Variants in KIF26B observed in about 807,000 individuals in gnomAD.
The protein encoded by KIF26B is kinesin-like protein KIF26B.
A neutral mutation model predicts 151.2 loss-of-function variants in KIF26B; 63 were observed. That is an observed-to-expected ratio of 0.42 (90% CI 0.34 to 0.51). The LOEUF (loss-of-function observed/expected upper bound fraction) is 0.51. KIF26B is among the 20% of genes least tolerant of loss of function. The pLI is 0.07. For missense variants in KIF26B, 2,813 were observed against 2,913.6 expected (o/e 0.97, Z 0.79); for synonymous variants, 1,357 against 1,262.1 (o/e 1.08, Z -1.59).
chr1:245,670,151 T>C, intron 10 of KIF26B, among the ~76,000 whole-genome samples: 1 of 151,482 alleles, frequency 6.6e-6, no homozygotes, highest in Middle Eastern at 3.4e-3. Flanking sequence ...AATATAAACA[T>C]TCAGTAACAT....
intron 9 of KIF26B, among the ~76,000 whole-genome samples, chr1:245,628,599 G>A (rs943493466): frequency 1.3e-5 from 2 of 152,190 alleles, no homozygotes; most frequent in South Asian, 2.1e-4. Flanking sequence ...TTGATGGAAC[G>A]TTTCTCAAAA....
intron 4 of KIF26B, among the ~76,000 whole-genome samples, chr1:245,480,342 A>C (rs907388932): frequency 6.6e-6 from 1 of 151,682 alleles, no homozygotes; most frequent in African/African-American, 2.4e-5. Context: ...TACCTGGGCC[A>C]GCCTGTTGGC....
At position 245,516,942 on chromosome 1, in the gene KIF26B, C is replaced by T. The variant is rs558602684; in HGVS notation, c.1167-23825C>T. ...GCCCTGGCTGCTCCCCACAGCTCCA[C>T]GGCTGCTGCTTTCACCCCCACCTGA... On this transcript the variant is annotated intron_variant, in intron 4 of 14. Transcript: ENST00000407071. This position sits in a 1 kb window ranked among gnomAD's most constrained non-coding sequence, Gnocchi z 4.2. Among the ~76,000 whole-genome samples, 5 of 152,330 alleles carry T rather than the reference C, an allele frequency of 3.3e-5. No homozygotes were observed. Among genetic ancestry groups the T allele is most frequent in the South Asian group, 4.1e-4 (2 of 4,830 alleles).
In KIF26B at chr1:245,488,597, C is replaced by G. The variant is rs972868287; in HGVS notation, c.1167-52170C>G. On this transcript the variant is annotated intron_variant, in intron 4 of 14. Transcript: ENST00000407071. The surrounding 1 kb of genome is among the most constrained non-coding windows in gnomAD (Gnocchi z 4.6). ...TCCACATCCATCCCTGGAATTAGAT[C>G]GGAGCCACAGATGCTATCACTCCTC... Among the ~76,000 whole-genome samples, 1 of 152,158 alleles carries G rather than the reference C, an allele frequency of 6.6e-6. No individual in the cohort carries two copies. Among genetic ancestry groups the G allele is most frequent in the African/African-American group, 2.4e-5 (1 of 41,442 alleles).
At chr1:245,277,771 A>T (rs1670965035) in intron 2 of KIF26B, among the ~76,000 whole-genome samples, 1 of 152,148 alleles carries the variant, frequency 6.6e-6, no homozygotes, top group Admixed American at 6.5e-5. Flanking sequence ...GTCTGCAGTC[A>T]TGGTGACTGG....
At chr1:245,392,350 T>TACTC (rs1414869879) in intron 3 of KIF26B, among the ~76,000 whole-genome samples, 3 of 152,236 alleles carry the variant, frequency 2.0e-5, no homozygotes, top group African/African-American at 7.2e-5. Flanking sequence ...ATAAAAATAT[T>TACTC]ACTCTGAGTA....
intron 4 of KIF26B, among the ~76,000 whole-genome samples, chr1:245,491,629 G>A (rs1161197363): frequency 7.0e-6 from 1 of 142,244 alleles, no homozygotes; most frequent in Non-Finnish European, 1.6e-5. Context: ...TAAACTGGCT[G>A]GGGTGCAGTG....
chr1:245,593,330 G>C (rs993875504), intron 5 of KIF26B, among the ~76,000 whole-genome samples: 23 of 151,368 alleles, frequency 1.5e-4, no homozygotes, highest in African/African-American at 4.6e-4. Context: ...TAGCTCCCCA[G>C]CCCCCAACAG....
chr1:245,648,769 C>T (rs946421012), intron 10 of KIF26B, among the ~76,000 whole-genome samples: 1 of 152,244 alleles, frequency 6.6e-6, no homozygotes, highest in African/African-American at 2.4e-5. Context: ...TCCCTGCAGA[C>T]AGCTGCCTGC....
rs34512630 is a variant in KIF26B at position 245,246,882 on chromosome 1, C to CAA, written c.465+90200_465+90201insAA. On this transcript the variant is annotated intron_variant, in intron 2 of 14. Transcript: ENST00000407071. ...TAAGGGCAGAACACACACACACACA[C>CAA]ACACACACACAGACACACACACACA... Among the ~76,000 whole-genome samples, 6 of 150,716 alleles carry CAA rather than the reference C, an allele frequency of 4.0e-5. No individual in the cohort carries two copies. The East Asian group carries it at 1.2e-3, about 29-fold the overall frequency.
chr1:245,332,905 C>T (rs1372589648), intron 2 of KIF26B, among the ~76,000 whole-genome samples: 3 of 152,134 alleles, frequency 2.0e-5, no homozygotes, highest in Admixed American at 1.3e-4. Flanking sequence ...AGAAACATCT[C>T]CTGGAGACAC....
intron 2 of KIF26B, among the ~76,000 whole-genome samples, chr1:245,270,714 G>A (rs1459799071): frequency 6.6e-6 from 1 of 152,068 alleles, no homozygotes; most frequent in Non-Finnish European, 1.5e-5. Flanking sequence ...TTCTCCCACT[G>A]CACAGGTTAC....
rs761444087 is a variant in KIF26B, at chr1:245,601,211, C to T, written c.1351-1366C>T. ...TGGGACACTGGCTTCCGGATCTCCA[C>T]GGAGAACTGTTCTTAAGTTAGAAGG... is the stretch of plus-strand genomic sequence containing the variant. On this transcript the variant is annotated intron_variant, in intron 5 of 14. Coordinates refer to ENST00000407071, the MANE Select transcript of KIF26B (RefSeq NM_018012.4). This position sits in a 1 kb window ranked among gnomAD's most constrained non-coding sequence, Gnocchi z 4.4. Among the ~76,000 whole-genome samples, 3 of 150,848 alleles carry T rather than the reference C, an allele frequency of 2.0e-5. No homozygotes were observed. Among genetic ancestry groups the T allele is most frequent in the Non-Finnish European group, 2.9e-5 (2 of 68,034 alleles).
At chr1:245,448,062 A>C (rs534538318) in intron 4 of KIF26B, among the ~76,000 whole-genome samples, 53 of 152,364 alleles carry the variant, frequency 3.5e-4, no homozygotes, top group African/African-American at 1.3e-3. Flanking sequence ...CATGCCCTGC[A>C]TCACCTTTTG....
intron 5 of KIF26B, among the ~76,000 whole-genome samples, chr1:245,575,646 A>C (rs1180855627): frequency 6.6e-6 from 1 of 152,158 alleles, no homozygotes; most frequent in Non-Finnish European, 1.5e-5. Flanking sequence ...CTTTCCCCTC[A>C]GAGAGTGGCT....
At chr1:245,294,018 G>A (rs868331014) in intron 2 of KIF26B, among the ~76,000 whole-genome samples, 1 of 152,156 alleles carries the variant, frequency 6.6e-6, no homozygotes, top group African/African-American at 2.4e-5. Context: ...GGCAGAATCC[G>A]GGTGAGAAAT....
intron 2 of KIF26B, among the ~76,000 whole-genome samples, chr1:245,340,122 T>C (rs771642244): frequency 2.6e-5 from 4 of 152,208 alleles, no homozygotes; most frequent in Non-Finnish European, 5.9e-5. Context: ...TAGAGTCTCA[T>C]TGGAGGGTAC....
intron 2 of KIF26B, among the ~76,000 whole-genome samples, chr1:245,325,488 C>T (rs933174339): frequency 2.6e-5 from 4 of 152,160 alleles, no homozygotes; most frequent in African/African-American, 4.8e-5. Flanking sequence ...CCGAGGCAGG[C>T]AGATCACCTG....
At chr1:245,608,339 A>T (rs948317450) in intron 7 of KIF26B, among the ~76,000 whole-genome samples, 94 of 152,144 alleles carry the variant, frequency 6.2e-4, no homozygotes, top group Non-Finnish European at 1.1e-3. Context: ...TACACGCTTG[A>T]TATGTTTAGT....
Sources: gnomAD v4.1 joint callset for allele counts (sites outside exome capture counted in the v4.1 genomes callset) on GRCh38, gnomAD v4.1.1 for gene constraint, Gnocchi (gnomAD v3.1) non-coding constraint, MANE v1.5 for transcripts, NCBI Gene and HGNC (gene_info 2026-07-23, HGNC 2026-07-21) for gene names.